RGS12: variants seen among roughly 807,000 people sequenced by gnomAD.
RGS12 encodes the protein regulator of G-protein signaling 12.
RGS12 carries 66 observed loss-of-function variants against 120.1 expected under a neutral mutation model. The ratio of observed to expected loss-of-function variants is 0.55; its 90% confidence interval spans 0.45 to 0.67. The LOEUF (loss-of-function observed/expected upper bound fraction) is 0.67. RGS12 is among the 30% of genes least tolerant of loss of function. The probability of loss-of-function intolerance (pLI) is 0.00; values close to 1 mark genes in which losing one functional copy is unlikely to be tolerated. For missense variants in RGS12, 1,859 were observed against 1,957.7 expected (o/e 0.95, Z 0.95); for synonymous variants, 827 against 804.7 (o/e 1.03, Z -0.47).
At chr4:3,436,432 C>T (rs931396658) in intron 17 of RGS12, among the ~76,000 whole-genome samples, 4 of 152,018 alleles carry the variant, frequency 2.6e-5, no homozygotes, top group African/African-American at 9.7e-5. Flanking sequence ...CGCTTGGCAG[C>T]ACAGATGATG....
intron 1 of RGS12, among the ~76,000 whole-genome samples, chr4:3,305,940 C>G (rs1158344788): frequency 6.6e-6 from 1 of 152,242 alleles, no homozygotes; most frequent in African/African-American, 2.4e-5. Context: ...TTATTTTGTA[C>G]TGCCTCTGAC....
chr4:3,340,073 G>A (rs1169152631), intron 2 of RGS12, among the ~76,000 whole-genome samples: 3 of 152,204 alleles, frequency 2.0e-5, no homozygotes, highest in Admixed American at 6.5e-5. Context: ...TGCTGTTGCC[G>A]CAACACACGT....
chr4:3,325,169 G>A (rs1398406216), intron 2 of RGS12, among the ~76,000 whole-genome samples: 1 of 152,212 alleles, frequency 6.6e-6, no homozygotes, highest in Non-Finnish European at 1.5e-5. Context: ...ATTTATGCAT[G>A]CTTGGAGGGT....
At chr4:3,432,897 C>T (rs1244633216) in intron 17 of RGS12, among the ~76,000 whole-genome samples, 1 of 152,220 alleles carries the variant, frequency 6.6e-6, no homozygotes. Flanking sequence ...CGTGCCTGTC[C>T]GTGGCGACAC....
intron 2 of RGS12, among the ~76,000 whole-genome samples, chr4:3,319,089 C>G (rs544359683): frequency 0.062 from 9,383 of 152,168 alleles, 828 homozygotes; most frequent in African/African-American, 0.2. Flanking sequence ...TTCCCCCTCC[C>G]CTAGTGTTTT....
chr4:3,326,230 T>A lies in RGS12; in HGVS notation c.1881+8179T>A, dbSNP rs1275789135. Among the ~76,000 whole-genome samples, 4 of 152,114 alleles carry A rather than the reference T, an allele frequency of 2.6e-5. No homozygotes were observed. In the South Asian group the frequency reaches 8.3e-4, roughly 32 times the overall value. ...CCAATTAGAGAAGAGGAGGTCAAAT[T>A]ATCGTGGTTTGCTGATGACATAATC... On this transcript the variant is annotated intron_variant, in intron 2 of 17. Coordinates refer to ENST00000336727, the MANE Select transcript of RGS12 (RefSeq NM_001394154.1).
chr4:3,428,769 A>G (rs569298391), intron 16 of RGS12, 58 bp downstream of exon 16: 10 of 1,442,400 alleles, frequency 6.9e-6, no homozygotes, highest in Non-Finnish European at 7.6e-6. Flanking sequence ...AGTTTCCAGT[A>G]TAGTCAGTAG....
chr4:3,400,699 A>G (rs929285104), intron 4 of RGS12, among the ~76,000 whole-genome samples: 7 of 149,260 alleles, frequency 4.7e-5, no homozygotes, highest in African/African-American at 1.7e-4. Flanking sequence ...TATTAGTAAT[A>G]CTAATTGCTT....
rs570078954 is a variant in RGS12 at position 3,410,721 on chromosome 4, G to A, written c.2021-3351G>A. 3.3e-5 allele frequency among the ~76,000 whole-genome samples: 5 copies of A among 152,370 alleles called. No homozygotes were observed. The South Asian group carries it at 1.0e-3, about 32-fold the overall frequency. ...CCATCGTGATCTTGGCCAGGAGGATGGCTACAAACAGCCTGAGGCTTAGGC... is the reference window on the plus strand; with the variant it reads ...CCATCGTGATCTTGGCCAGGAGGATAGCTACAAACAGCCTGAGGCTTAGGC... On this transcript the variant is annotated intron_variant, in intron 4 of 17. Coordinates refer to ENST00000336727, the MANE Select transcript of RGS12 (RefSeq NM_001394154.1).
intron 3 of RGS12, among the ~76,000 whole-genome samples, chr4:3,349,100 G>T (rs1366168980): frequency 6.6e-6 from 1 of 152,170 alleles, no homozygotes; most frequent in Non-Finnish European, 1.5e-5. Flanking sequence ...AAACCCTGTT[G>T]TTCTAACATA....
Position 3,366,536 on chromosome 4 carries a change from C to G in RGS12, c.1999-19880C>G, listed in dbSNP as rs1365119051. ...AGCTGAGAGTGAGGTGGTCCGGCCCCGTGAAGGAGGCAGCAGGGCTTGCGG... is the reference window on the plus strand; with the variant it reads ...AGCTGAGAGTGAGGTGGTCCGGCCCGGTGAAGGAGGCAGCAGGGCTTGCGG... On this transcript the variant is annotated intron_variant, in intron 3 of 17. Coordinates refer to ENST00000336727, the MANE Select transcript of RGS12 (RefSeq NM_001394154.1). This position sits in a 1 kb window ranked among gnomAD's most constrained non-coding sequence, Gnocchi z 4.0. 6.6e-6 allele frequency among the ~76,000 whole-genome samples: 1 copy of G among 152,178 alleles called. No homozygotes were observed. The highest frequency in any genetic ancestry group is 2.4e-5 in the African/African-American group (1 of 41,442).
At chr4:3,358,971 C>CCT (rs1491446827) in intron 3 of RGS12, among the ~76,000 whole-genome samples, 1 of 72,456 alleles carries the variant, frequency 1.4e-5, no homozygotes, top group African/African-American at 5.8e-5. Flanking sequence ...TCCTCCTCCC[C>CCT]TCCTCCCTCT....
chr4:3,431,333 C>T, intron 17 of RGS12: 2 of 1,077,930 alleles, frequency 1.9e-6, no homozygotes, highest in Non-Finnish European at 2.3e-6. Flanking sequence ...GTGTTTCTGT[C>T]TCAAGACTGG....
intron 2 of RGS12, among the ~76,000 whole-genome samples, chr4:3,333,170 C>T (rs2108743435): frequency 6.6e-6 from 1 of 152,316 alleles, no homozygotes; most frequent in South Asian, 2.1e-4. Context: ...CTGCCTCAGC[C>T]TCCCGCGTAG....
intron 17 of RGS12, among the ~76,000 whole-genome samples, chr4:3,438,451 C>T (rs1447871486): frequency 2.0e-5 from 3 of 151,884 alleles, no homozygotes; most frequent in Non-Finnish European, 4.4e-5. Context: ...GCGGGAAGGG[C>T]TGGGCTCTCC....
At chr4:3,437,563 A>G (rs1309119795) in intron 17 of RGS12, among the ~76,000 whole-genome samples, 1 of 152,096 alleles carries the variant, frequency 6.6e-6, no homozygotes, top group Non-Finnish European at 1.5e-5. Context: ...CAAGAAGGAG[A>G]TGGGCAGAAC....
chr4:3,331,322 A>G (rs1711812485), intron 2 of RGS12, among the ~76,000 whole-genome samples: 1 of 152,240 alleles, frequency 6.6e-6, no homozygotes, highest in Non-Finnish European at 1.5e-5. Flanking sequence ...AGTAAATGAA[A>G]ACTGGGAAGA....
At position 3,433,389 on chromosome 4, in the gene RGS12, C is replaced by T. The variant is rs776803067; in HGVS notation, c.4114+2434C>T. Among the ~76,000 whole-genome samples the T allele has an allele frequency of 1.3e-5, 2 of 152,176 alleles. No homozygotes were observed. Among genetic ancestry groups the T allele is most frequent in the Non-Finnish European group, 2.9e-5 (2 of 68,006 alleles). On this transcript the variant is annotated intron_variant, in intron 17 of 17. Coordinates refer to ENST00000336727, the MANE Select transcript of RGS12 (RefSeq NM_001394154.1). This position sits in a 1 kb window ranked among gnomAD's most constrained non-coding sequence, Gnocchi z 4.4. ...GCAACAGCCTTGAGGTAGGGGGAGT[C>T]TCCACAGAGCTGTGCCACACCACTT...
chr4:3,408,197 G>A (rs1721361719), intron 4 of RGS12, among the ~76,000 whole-genome samples: 1 of 152,202 alleles, frequency 6.6e-6, no homozygotes, highest in African/African-American at 2.4e-5. Context: ...TTGGAGCTGG[G>A]GTCGGAATGG....
Sources: gnomAD v4.1 joint callset for allele counts (sites outside exome capture counted in the v4.1 genomes callset) on GRCh38, gnomAD v4.1.1 for gene constraint, Gnocchi (gnomAD v3.1) non-coding constraint, MANE v1.5 for transcripts, NCBI Gene and HGNC (gene_info 2026-07-23, HGNC 2026-07-21) for gene names.